The following ZDHHC14 variants were observed in gnomAD, a reference collection of about 807,000 sequenced individuals.
ZDHHC14 encodes zDHHC palmitoyltransferase 14.
A neutral mutation model predicts 47.7 loss-of-function variants in ZDHHC14; 16 were observed. The observed-to-expected ratio is 0.34, with a 90% confidence interval of 0.23 to 0.51. The LOEUF (loss-of-function observed/expected upper bound fraction) is 0.51, where lower values mean the gene tolerates loss of function less well. ZDHHC14 is among the 20% of genes least tolerant of loss of function. The pLI, the probability that ZDHHC14 is intolerant of heterozygous loss-of-function variation, is 0.97. For missense variants in ZDHHC14, 515 were observed against 662.5 expected, an observed-to-expected ratio of 0.78 and a Z score of 2.44; for synonymous variants, 293 against 278.9, an observed-to-expected ratio of 1.05 and a Z score of -0.50.
At chr6:157,657,832 C>T (rs1272259602) in intron 8 of ZDHHC14, among the ~76,000 whole-genome samples, 1 of 152,160 alleles carries the variant, frequency 6.6e-6, no homozygotes, top group African/African-American at 2.4e-5. Flanking sequence ...CTTTAAGATG[C>T]CTTTTTATCC....
chr6:157,602,368 T>G (rs935527910), intron 3 of ZDHHC14, among the ~76,000 whole-genome samples: 1 of 149,148 alleles, frequency 6.7e-6, no homozygotes, highest in African/African-American at 2.5e-5. Context: ...TTAGCACCTG[T>G]AATCCCAGCT....
intron 3 of ZDHHC14, among the ~76,000 whole-genome samples, chr6:157,598,669 G>A (rs1784223386): frequency 6.6e-6 from 1 of 152,174 alleles, no homozygotes; most frequent in Non-Finnish European, 1.5e-5. Flanking sequence ...AAATGCAAAG[G>A]TAATTTGTTA....
intron 1 of ZDHHC14, among the ~76,000 whole-genome samples, chr6:157,442,729 A>G (rs1464934416): frequency 2.0e-5 from 3 of 152,222 alleles, no homozygotes; most frequent in Non-Finnish European, 2.9e-5. Flanking sequence ...AAGCCCGCCC[A>G]GCAGACGCCT....
At chr6:157,468,158 A>G (rs998348998) in intron 1 of ZDHHC14, among the ~76,000 whole-genome samples, 1 of 152,222 alleles carries the variant, frequency 6.6e-6, no homozygotes, top group Non-Finnish European at 1.5e-5. Context: ...ACCTGAGTGG[A>G]GGGCTGGAGA....
intron 7 of ZDHHC14, among the ~76,000 whole-genome samples, chr6:157,650,474 A>G (rs1022028866): frequency 1.3e-5 from 2 of 152,058 alleles, no homozygotes; most frequent in African/African-American, 4.8e-5. Context: ...AGAGCTTCGC[A>G]GCACTGGGAG....
intron 1 of ZDHHC14, among the ~76,000 whole-genome samples, chr6:157,435,911 G>A (rs984701651): frequency 1.3e-5 from 2 of 152,192 alleles, no homozygotes; most frequent in African/African-American, 4.8e-5. Flanking sequence ...TAGCAGGCAA[G>A]TGCTTGCTGT....
chr6:157,633,977 G>A (rs541106882), intron 5 of ZDHHC14, among the ~76,000 whole-genome samples: 168 of 152,270 alleles, frequency 1.1e-3, no homozygotes, highest in African/African-American at 4.0e-3. Flanking sequence ...TAAGAATGAA[G>A]AACTTTAATA....
At chr6:157,469,166 G>C (rs1007555194) in intron 1 of ZDHHC14, among the ~76,000 whole-genome samples, 1 of 152,154 alleles carries the variant, frequency 6.6e-6, no homozygotes, top group Non-Finnish European at 1.5e-5. Flanking sequence ...AACTCCAAGG[G>C]GCTGTCCTCA....
At chr6:157,490,158 AG>A (rs1344381835) in intron 1 of ZDHHC14, among the ~76,000 whole-genome samples, 1 of 152,076 alleles carries the variant, frequency 6.6e-6, no homozygotes, top group Non-Finnish European at 1.5e-5. Context: ...TGGTTGGGCG[AG>A]GGGGGAACAG....
At chr6:157,511,570 T>TTTTTTTTTG (rs1780489947) in intron 1 of ZDHHC14, among the ~76,000 whole-genome samples, 1 of 150,630 alleles carries the variant, frequency 6.6e-6, no homozygotes, top group Non-Finnish European at 1.5e-5. Flanking sequence ...TTTTTTGTAT[T>TTTTTTTTTG]TTTAGTAGAG....
intron 1 of ZDHHC14, among the ~76,000 whole-genome samples, chr6:157,477,135 C>G (rs1779507115): frequency 6.6e-6 from 1 of 152,222 alleles, no homozygotes. Context: ...AATCCCAGCA[C>G]TTTGGTAGGC....
intron 1 of ZDHHC14, among the ~76,000 whole-genome samples, chr6:157,495,695 ATTT>A (rs71027341): frequency 2.9e-5 from 3 of 104,342 alleles, no homozygotes; most frequent in African/African-American, 7.2e-5. Flanking sequence ...TTCGGGTTGA[ATTT>A]TTTTTTTTTT....
chr6:157,541,071 C>A (rs553594285), intron 1 of ZDHHC14, among the ~76,000 whole-genome samples: 23 of 151,944 alleles, frequency 1.5e-4, no homozygotes, highest in Non-Finnish European at 2.9e-4. Flanking sequence ...TCACCCTTTA[C>A]CCAGATTCAC....
At chr6:157,625,693 G>A (rs1020934807) in intron 3 of ZDHHC14, among the ~76,000 whole-genome samples, 16 of 152,022 alleles carry the variant, frequency 1.1e-4, no homozygotes, top group African/African-American at 3.4e-4. Context: ...GGCACCCGCC[G>A]AGCCTCTCAG....
intron 4 of ZDHHC14, chr6:157,631,904 C>T (rs1309489948): frequency 6.6e-6 from 1 of 152,274 alleles, no homozygotes; most frequent in Non-Finnish European, 1.5e-5. Flanking sequence ...CAGCCCCTCC[C>T]ACACACTGTG....
At chr6:157,557,832 G>A (rs142280917) in intron 2 of ZDHHC14, among the ~76,000 whole-genome samples, 13 of 152,156 alleles carry the variant, frequency 8.5e-5, no homozygotes, top group African/African-American at 1.9e-4. Context: ...TGTGCAATCC[G>A]GGCAGAGTAC....
At chr6:157,661,041 C>T (rs914483237) in intron 8 of ZDHHC14, among the ~76,000 whole-genome samples, 3 of 152,036 alleles carry the variant, frequency 2.0e-5, no homozygotes, top group Middle Eastern at 3.2e-3. Context: ...TCTGAGAATT[C>T]GCCACCCAAA....
At position 157,599,839 on chromosome 6, in the gene ZDHHC14, C is replaced by G. The variant is rs1375842583; in HGVS notation, c.565+6693C>G. ...GTAAGACAAAGAAATTAACAAAGTG[C>G]AAGTAACAGATTCAAATGAAACAAA... On this transcript the variant is annotated intron_variant, in intron 3 of 8. Coordinates refer to ENST00000359775, the MANE Select transcript of ZDHHC14 (RefSeq NM_024630.3). 3.3e-5 allele frequency among the ~76,000 whole-genome samples: 5 copies of G among 152,106 alleles called. No homozygotes were observed. The East Asian group carries it at 9.6e-4, about 29-fold the overall frequency.
rs117088655 is a variant in ZDHHC14, at chr6:157,653,719, C to T, written c.1068+92C>T. 5.3e-4 allele frequency: 713 copies of T among 1,340,914 alleles called. 2 individuals are homozygous for T. In the East Asian group the frequency reaches 0.012, roughly 23 times the overall value. 83.1% of individuals were successfully genotyped at this position (1,340,914 alleles called of 1,614,324 possible). A position where few individuals can be genotyped will look rare whatever the true frequency, so the allele number is the denominator to read the frequency against. ...CCAAGCAGCCTTCCTAGCAAACCTC[C>T]CCAGGAGCGGGGGCAGCCCACAGCC... On this transcript the variant is annotated intron_variant, in intron 8 of 8. Transcript: ENST00000359775.
Sources: allele counts gnomAD v4.1 joint callset (sites outside exome capture counted in the v4.1 genomes callset), GRCh38; gene constraint gnomAD v4.1.1; transcripts MANE v1.5; gene names NCBI Gene and HGNC (gene_info 2026-07-23, HGNC 2026-07-21).